Variants in GRK5 observed in about 807,000 individuals in gnomAD.
The protein encoded by GRK5 is G protein-coupled receptor kinase 5.
In GRK5, 40 loss-of-function variants were observed where a neutral mutation model predicts 78.4. The ratio of observed to expected loss-of-function variants is 0.51; its 90% CI spans 0.40 to 0.66. The LOEUF (loss-of-function observed/expected upper bound fraction) is 0.66, where lower values mean the gene tolerates loss of function less well. Among genes scored for constraint, GRK5 ranks in the 30% least tolerant of loss-of-function variants. The probability of loss-of-function intolerance (pLI) is 0.00; values close to 1 mark genes in which losing one functional copy is unlikely to be tolerated. For synonymous variants in GRK5, 289 were observed against 296.8 expected (o/e 0.97, Z 0.27); for missense variants, 598 against 759.9 (o/e 0.79, Z 2.50).
rs1006831663 is a variant in GRK5 at position 119,207,730 on chromosome 10, G to A, written c.-188G>A. 5.1e-6 allele frequency: 2 copies of A among 391,722 alleles called. No individual in the cohort carries two copies. The highest frequency in any genetic ancestry group is 8.8e-6 in the Non-Finnish European group (2 of 227,938). The allele number at this position is 391,722 out of a possible 1,614,324, so 24.3% of individuals were successfully genotyped here. A position where few individuals can be genotyped will look rare whatever the true frequency, so the allele number is the denominator to read the frequency against. ...AGCGGCGGCGGCGGCGGCGGCGGCG[G>A]CGGCTCCTCTTTGCAGAGGGGGAAA... On this transcript the variant is annotated 5_prime_UTR_variant, in exon 1 of 16. Coordinates refer to ENST00000392870, the MANE Select transcript of GRK5 (RefSeq NM_005308.3).
chr10:119,395,349 C>T (rs1003591543), intron 3 of GRK5, among the ~76,000 whole-genome samples: 6 of 152,200 alleles, frequency 3.9e-5, no homozygotes, highest in Admixed American at 6.5e-5. Context: ...CTGCGAGTGC[C>T]GCCTGCGTGC....
intron 1 of GRK5, among the ~76,000 whole-genome samples, chr10:119,209,526 A>C (rs1848450740): frequency 1.9e-5 from 2 of 106,596 alleles, no homozygotes; most frequent in Non-Finnish European, 1.8e-5. Context: ...CTAACCTGAC[A>C]TTTTTAGTGG....
At position 119,453,272 on chromosome 10, in the gene GRK5, G is replaced by A. The variant is rs766184775; in HGVS notation, c.1670G>A (p.Arg557Gln). The A allele has an allele frequency of 1.1e-5, 17 of 1,613,954 alleles. No homozygotes were observed. The highest frequency in any genetic ancestry group is 2.2e-5 in the South Asian group (2 of 91,086). Residue 557 changes from arginine (R) to glutamine (Q), a missense_variant, in exon 15 of 16, where the codon CGG (arginine) becomes CAG (glutamine). Arg to Gln is a conservative substitution (Grantham distance 43). Transcript: ENST00000392870. ...GGGCTGCTCCAGAGACTCTTCAAGC[G>A]GCAGGTGAGACACCCATGCCTGGCC... ...KKGLLQRLFKRQHQNNSKSSP... is the reference protein window; with the variant it reads ...KKGLLQRLFKQQHQNNSKSSP...
chr10:119,277,961 C>T (rs763934829), intron 1 of GRK5, among the ~76,000 whole-genome samples: 2 of 152,166 alleles, frequency 1.3e-5, no homozygotes, highest in Admixed American at 1.3e-4. Flanking sequence ...CCCACTGTAT[C>T]GATAGACCAC....
chr10:119,441,290 G>T (rs912141228), intron 10 of GRK5, among the ~76,000 whole-genome samples: 1 of 152,230 alleles, frequency 6.6e-6, no homozygotes, highest in African/African-American at 2.4e-5. Flanking sequence ...TGACATCTAG[G>T]CTGGAGGGAT....
In GRK5 at chr10:119,217,353, A is replaced by G. The variant is rs959929394; in HGVS notation, c.52+9384A>G. 6.6e-6 allele frequency among the ~76,000 whole-genome samples: 1 copy of G among 152,240 alleles called. No homozygotes were observed. Among genetic ancestry groups the G allele is most frequent in the African/African-American group, 2.4e-5 (1 of 41,454 alleles). ...GTAGATGTTTCCATTTTAAAAGTAG[A>G]ACTGTGTATCAATACAACTGAATCT... On this transcript the variant is annotated intron_variant, in intron 1 of 15. Coordinates refer to ENST00000392870, the MANE Select transcript of GRK5 (RefSeq NM_005308.3). This position sits in a 1 kb window ranked among gnomAD's most constrained non-coding sequence, Gnocchi z 4.1.
At chr10:119,232,278 A>T (rs574087376) in intron 1 of GRK5, among the ~76,000 whole-genome samples, 1 of 152,238 alleles carries the variant, frequency 6.6e-6, no homozygotes, top group Non-Finnish European at 1.5e-5. Flanking sequence ...GCTAAAAAAA[A>T]GTTGATTCAT....
At position 119,427,457 on chromosome 10, in the gene GRK5, A is replaced by G. The variant is rs1043579875; in HGVS notation, c.533+2372A>G. Among the ~76,000 whole-genome samples, 134 of 147,348 alleles carry G rather than the reference A, an allele frequency of 9.1e-4. 1 individual carries two copies. The highest frequency in any genetic ancestry group is 3.2e-3 in the African/African-American group (121 of 37,420). On this transcript the variant is annotated intron_variant, in intron 6 of 15. Coordinates refer to ENST00000392870, the MANE Select transcript of GRK5 (RefSeq NM_005308.3). ...CACTGCCATCATCAGCATCACCGCC[A>G]TCATCAGCATCACCACCATCATCAG...
Position 119,452,729 on chromosome 10 carries a change from G to A in GRK5, c.1463G>A (p.Gly488Asp). 2 of 1,614,148 alleles carry A rather than the reference G, an allele frequency of 1.2e-6. No homozygotes were observed. The highest frequency in any genetic ancestry group is 1.7e-6 in the Non-Finnish European group (2 of 1,180,038). The change falls in exon 14 of 16, where the codon GGC becomes GAC. Residue 488 changes from glycine to aspartate, a missense_variant. By Grantham distance (94) the Gly-to-Asp change is moderately conservative. Transcript: ENST00000392870. This position sits in a 1 kb window ranked among gnomAD's most constrained non-coding sequence, Gnocchi z 4.4. ...LDIEQFSTVK[G>D]VNLDHTDDDF... ...ATCGAGCAGTTCTCCACTGTGAAGGGCGTCAATCTGGACCACACAGACGAC... is the reference window on the plus strand; with the variant it reads ...ATCGAGCAGTTCTCCACTGTGAAGGACGTCAATCTGGACCACACAGACGAC...
chr10:119,419,575 T>C (rs953805868), intron 4 of GRK5, among the ~76,000 whole-genome samples: 2 of 152,226 alleles, frequency 1.3e-5, no homozygotes, highest in African/African-American at 4.8e-5. Flanking sequence ...AAGCCAGACA[T>C]TATTACCCAC....
intron 2 of GRK5, among the ~76,000 whole-genome samples, chr10:119,374,720 G>A (rs1046690535): frequency 6.6e-6 from 1 of 152,210 alleles, no homozygotes; most frequent in Non-Finnish European, 1.5e-5. Context: ...ATGTTGAGAT[G>A]TAATCCCTAA....
chr10:119,292,106 TCTC>T (rs1433122594), intron 1 of GRK5, among the ~76,000 whole-genome samples: 2 of 31,020 alleles, frequency 6.4e-5, no homozygotes, highest in Middle Eastern at 0.038. Flanking sequence ...TCTTCCTCCT[TCTC>T]CTCTTCCTCC....
intron 2 of GRK5, among the ~76,000 whole-genome samples, chr10:119,363,291 A>AC (rs1185801929): frequency 6.6e-6 from 1 of 151,932 alleles, no homozygotes; most frequent in East Asian, 1.9e-4. Context: ...AAAAAAAAAA[A>AC]AAACAACAAA....
At position 119,271,933 on chromosome 10, in the gene GRK5, T is replaced by C. The variant is rs1183295539; in HGVS notation, c.53-54583T>C. Reference sequence around the variant, plus strand: ...AATCATTTGGCATGATGCCTACTCTTATTCCTTGTCTGTGGGGCCCTGTTT... The same window carrying C: ...AATCATTTGGCATGATGCCTACTCTCATTCCTTGTCTGTGGGGCCCTGTTT... On this transcript the variant is annotated intron_variant, in intron 1 of 15. Transcript: ENST00000392870. The surrounding 1 kb of genome is among the most constrained non-coding windows in gnomAD (Gnocchi z 4.1). Among the ~76,000 whole-genome samples, 1 of 152,246 alleles carries C rather than the reference T, an allele frequency of 6.6e-6. No homozygotes were observed. The highest frequency in any genetic ancestry group is 1.5e-5 in the Non-Finnish European group (1 of 68,034).
intron 8 of GRK5, among the ~76,000 whole-genome samples, chr10:119,435,800 A>G (rs1852907556): frequency 2.0e-5 from 3 of 152,068 alleles, no homozygotes; most frequent in African/African-American, 7.3e-5. Flanking sequence ...AATTTACTCT[A>G]TTAGTCCGTT....
chr10:119,302,653 C>T (rs1300302252), intron 1 of GRK5, among the ~76,000 whole-genome samples: 2 of 152,222 alleles, frequency 1.3e-5, no homozygotes, highest in Non-Finnish European at 2.9e-5. Flanking sequence ...AGCCAGCCTA[C>T]CTGGTGGTTT....
chr10:119,396,439 C>G (rs1448071403), intron 3 of GRK5, among the ~76,000 whole-genome samples: 1 of 152,194 alleles, frequency 6.6e-6, no homozygotes, highest in Non-Finnish European at 1.5e-5. Context: ...GCTCAGGGCT[C>G]CCTGCTGATT....
rs935888566 is a variant in GRK5, at chr10:119,431,236, C to T, written c.598-151C>T. On this transcript the variant is annotated intron_variant, in intron 7 of 15. Coordinates refer to ENST00000392870, the MANE Select transcript of GRK5 (RefSeq NM_005308.3). The surrounding 1 kb of genome is among the most constrained non-coding windows in gnomAD (Gnocchi z 4.8). ...GGCCCCAGGCCAGGCATCACTGGGT[C>T]CTGGGAGCCTGGAGCACTCATGAAG... 20 of 822,988 alleles carry T rather than the reference C, an allele frequency of 2.4e-5. No homozygotes were observed. In the Admixed American group the frequency reaches 4.6e-4, roughly 19 times the overall value. The allele number at this position is 822,988 out of a possible 1,614,324, so 51.0% of individuals were successfully genotyped here. A position where few individuals can be genotyped will look rare whatever the true frequency, so the allele number is the denominator to read the frequency against.
At chr10:119,334,129 T>C (rs758830761) in intron 2 of GRK5, among the ~76,000 whole-genome samples, 12 of 152,054 alleles carry the variant, frequency 7.9e-5, no homozygotes, top group African/African-American at 1.5e-4. Context: ...GGTGCAGCGG[T>C]GCAGGCCTGA....
Sources: allele counts gnomAD v4.1 joint callset (sites outside exome capture counted in the v4.1 genomes callset), GRCh38; gene constraint gnomAD v4.1.1; non-coding constraint Gnocchi (gnomAD v3.1); transcripts MANE v1.5; gene names NCBI Gene and HGNC (gene_info 2026-07-23, HGNC 2026-07-21).